The following RERE variants were observed in gnomAD, a reference collection of about 807,000 sequenced individuals.
The protein encoded by RERE is arginine-glutamic acid dipeptide repeats protein.
Under a neutral mutation model 146.1 loss-of-function variants are expected in RERE, and 40 were observed. The ratio of observed to expected loss-of-function variants is 0.27; its 90% CI spans 0.21 to 0.36. The LOEUF (loss-of-function observed/expected upper bound fraction) is 0.36. Among genes scored for constraint, RERE ranks in the 10% least tolerant of loss-of-function variants. RERE has a pLI of 1.00. For synonymous variants in RERE, 1,003 were observed against 866.0 expected, an observed-to-expected ratio of 1.16 and a Z score of -2.78; for missense variants, 1,933 against 2,138.7, an observed-to-expected ratio of 0.90 and a Z score of 1.90.
intron 11 of RERE, among the ~76,000 whole-genome samples, chr1:8,456,189 A>T (rs193114636): frequency 3.0e-4 from 45 of 152,324 alleles, no homozygotes; most frequent in Non-Finnish European, 4.6e-4. Flanking sequence ...AAGATTTTTG[A>T]GATGACTCTT....
chr1:8,401,829 T>C (rs571838779), intron 12 of RERE, among the ~76,000 whole-genome samples: 5 of 152,236 alleles, frequency 3.3e-5, no homozygotes, highest in South Asian at 2.1e-4. Context: ...TTGTAAACAA[T>C]ACAACACAGT....
chr1:8,627,205 G>T (rs935809489), intron 2 of RERE, among the ~76,000 whole-genome samples: 6 of 151,986 alleles, frequency 3.9e-5, no homozygotes, highest in African/African-American at 1.5e-4. Context: ...TACATTCCTT[G>T]TCAAGTTATT....
chr1:8,501,313 G>A (rs1209182258), intron 8 of RERE, among the ~76,000 whole-genome samples: 7 of 102,104 alleles, frequency 6.9e-5, no homozygotes, highest in Admixed American at 9.2e-5. Context: ...CCGGCCAGCC[G>A]CCCCGTCCGG....
At chr1:8,379,704 G>A (rs1465624564) in intron 12 of RERE, among the ~76,000 whole-genome samples, 1 of 152,188 alleles carries the variant, frequency 6.6e-6, no homozygotes, top group East Asian at 1.9e-4. Context: ...GGCCCACAGG[G>A]GGCACGCGGG....
chr1:8,418,399 A>G (rs1643835760), intron 12 of RERE, among the ~76,000 whole-genome samples: 1 of 152,218 alleles, frequency 6.6e-6, no homozygotes, highest in Non-Finnish European at 1.5e-5. Flanking sequence ...TCCAGGGGCT[A>G]ACACTTTGGG....
intron 7 of RERE, among the ~76,000 whole-genome samples, chr1:8,528,897 G>A (rs1268166745): frequency 1.3e-5 from 2 of 152,178 alleles, no homozygotes; most frequent in South Asian, 4.1e-4. Flanking sequence ...TTTTGTGCAT[G>A]AAACAAGGTT....
intron 4 of RERE, among the ~76,000 whole-genome samples, chr1:8,611,536 C>T (rs1430299286): frequency 6.6e-6 from 1 of 152,070 alleles, no homozygotes; most frequent in African/African-American, 2.4e-5. Flanking sequence ...AAAAACACTA[C>T]TCAAATAAAA....
chr1:8,531,522 C>T (rs573410641), intron 7 of RERE, among the ~76,000 whole-genome samples: 1 of 151,866 alleles, frequency 6.6e-6, no homozygotes, highest in African/African-American at 2.4e-5. Flanking sequence ...TCTCAGATTT[C>T]CTATGGTGAA....
chr1:8,784,340 G>T (rs887617734), intron 1 of RERE, among the ~76,000 whole-genome samples: 23 of 152,172 alleles, frequency 1.5e-4, no homozygotes, highest in African/African-American at 5.5e-4. Context: ...CTCCCTTACA[G>T]TATCTATTTT....
At chr1:8,582,398 C>T (rs1188194431) in intron 4 of RERE, among the ~76,000 whole-genome samples, 7 of 147,680 alleles carry the variant, frequency 4.7e-5, no homozygotes, top group Non-Finnish European at 7.5e-5. Context: ...CTCTCTCTTT[C>T]TTTAAAAACT....
chr1:8,520,196 C>A (rs1645472871), intron 7 of RERE, among the ~76,000 whole-genome samples: 1 of 152,106 alleles, frequency 6.6e-6, no homozygotes, highest in Non-Finnish European at 1.5e-5. Flanking sequence ...TCATAAAATT[C>A]TAAATTTTCT....
chr1:8,755,780 T>C (rs1021889453), intron 1 of RERE, among the ~76,000 whole-genome samples: 3 of 152,134 alleles, frequency 2.0e-5, no homozygotes, highest in East Asian at 1.9e-4. Flanking sequence ...AAACCCCAAA[T>C]TGGGCCAGGT....
chr1:8,722,771 G>A (rs1639888578), intron 1 of RERE, among the ~76,000 whole-genome samples: 1 of 152,190 alleles, frequency 6.6e-6, no homozygotes, highest in South Asian at 2.1e-4. Flanking sequence ...ATGGTCTAAA[G>A]TATGTTGGAG....
intron 1 of RERE, among the ~76,000 whole-genome samples, chr1:8,744,178 A>G (rs4908777): frequency 0.22 from 34,052 of 152,200 alleles, 4,306 homozygotes; most frequent in Middle Eastern, 0.28. Context: ...AGGACTTTTC[A>G]AAATGAAATT....
At chr1:8,440,419 G>A (rs923730910) in intron 11 of RERE, among the ~76,000 whole-genome samples, 2 of 149,660 alleles carry the variant, frequency 1.3e-5, no homozygotes, top group African/African-American at 2.5e-5. Context: ...GTGAAACCCT[G>A]TCTCTACTAA....
chr1:8,618,636 A>G (rs1339562435), intron 3 of RERE, among the ~76,000 whole-genome samples: 3 of 152,192 alleles, frequency 2.0e-5, no homozygotes, highest in African/African-American at 7.2e-5. Flanking sequence ...GACTAAAGAA[A>G]TGCAGTCGAT....
intron 7 of RERE, among the ~76,000 whole-genome samples, chr1:8,529,615 C>T (rs1645616532): frequency 6.6e-6 from 1 of 152,008 alleles, no homozygotes; most frequent in Non-Finnish European, 1.5e-5. Flanking sequence ...CATCAGCTCT[C>T]ATGGCATCTG....
intron 1 of RERE, among the ~76,000 whole-genome samples, chr1:8,770,410 A>G (rs1431044786): frequency 6.6e-6 from 1 of 152,192 alleles, no homozygotes; most frequent in African/African-American, 2.4e-5. Context: ...TACATTTTCA[A>G]TATTGTAGCA....
At chr1:8,812,952 AAC>A (rs369164923) in intron 1 of RERE, among the ~76,000 whole-genome samples, 10 of 151,806 alleles carry the variant, frequency 6.6e-5, no homozygotes, top group South Asian at 4.2e-4. Flanking sequence ...TTAAAAAAAA[AAC>A]ACACACACAC....
Sources: gnomAD v4.1 joint callset for allele counts (sites outside exome capture counted in the v4.1 genomes callset) on GRCh38, gnomAD v4.1.1 for gene constraint, MANE v1.5 for transcripts, NCBI Gene and HGNC (gene_info 2026-07-23, HGNC 2026-07-21) for gene names.